The following SLC9A9 variants were observed in gnomAD, a reference collection of about 807,000 sequenced individuals.
The protein encoded by SLC9A9 is solute carrier family 9 member A9.
In SLC9A9, 62 loss-of-function variants were observed where a neutral mutation model predicts 77.8. The ratio of observed to expected loss-of-function variants is 0.80; its 90% CI spans 0.65 to 0.98. The LOEUF (loss-of-function observed/expected upper bound fraction) is 0.98, where lower values mean the gene tolerates loss of function less well. Among genes scored for constraint, SLC9A9 ranks in the 50% least tolerant of loss-of-function variants. The pLI is 0.00. For missense variants in SLC9A9, 775 were observed against 774.9 expected, an observed-to-expected ratio of 1.00 and a Z score of 0.00; for synonymous variants, 320 against 283.5, an observed-to-expected ratio of 1.13 and a Z score of -1.29.
intron 4 of SLC9A9, among the ~76,000 whole-genome samples, chr3:143,742,385 T>C (rs752298715): frequency 2.6e-5 from 4 of 152,192 alleles, no homozygotes; most frequent in Non-Finnish European, 5.9e-5. Flanking sequence ...AATTACTCTT[T>C]CTCTACTGCA....
chr3:143,371,049 G>A (rs1180206468), intron 13 of SLC9A9, among the ~76,000 whole-genome samples: 1 of 152,044 alleles, frequency 6.6e-6, no homozygotes, highest in Non-Finnish European at 1.5e-5. Context: ...GCTGTGTACA[G>A]AAAGGAGGAA....
intron 9 of SLC9A9, among the ~76,000 whole-genome samples, chr3:143,528,425 T>C (rs1355358161): frequency 6.6e-6 from 1 of 152,204 alleles, no homozygotes; most frequent in Non-Finnish European, 1.5e-5. Context: ...TTTACACATT[T>C]AGGAAATAAG....
At chr3:143,817,514 T>C (rs543907349) in intron 2 of SLC9A9, among the ~76,000 whole-genome samples, 4 of 152,340 alleles carry the variant, frequency 2.6e-5, no homozygotes, top group African/African-American at 4.8e-5. Context: ...TTTGGTGATA[T>C]CTTTAAAAAA....
rs933453794 is a variant in SLC9A9 at position 143,397,791 on chromosome 3, G to A, written c.1470-15677C>T. Among the ~76,000 whole-genome samples the A allele has an allele frequency of 7.2e-5, 11 of 152,210 alleles. No individual in the cohort carries two copies. The South Asian group carries it at 1.5e-3, about 20-fold the overall frequency. ...AACCTGGAAGGGAAGGAGCCTTAATGGGAATGCATTCTCTTGATGCAAGGA... is the reference window on the plus strand; with the variant it reads ...AACCTGGAAGGGAAGGAGCCTTAATAGGAATGCATTCTCTTGATGCAAGGA... On this transcript the variant is annotated intron_variant, in intron 12 of 15. Transcript: ENST00000316549.
At chr3:143,575,006 A>G (rs1297142798) in intron 7 of SLC9A9, among the ~76,000 whole-genome samples, 1 of 152,202 alleles carries the variant, frequency 6.6e-6, no homozygotes, top group African/African-American at 2.4e-5. Flanking sequence ...AACAAAATCT[A>G]AAGAAAATTT....
intron 9 of SLC9A9, chr3:143,516,993 G>A: frequency 3.0e-6 from 2 of 658,352 alleles, no homozygotes; most frequent in Non-Finnish European, 5.3e-6. Flanking sequence ...TGTAGTCCCT[G>A]ATTAATAGTG....
intron 13 of SLC9A9, among the ~76,000 whole-genome samples, chr3:143,381,113 T>C (rs1224751881): frequency 6.6e-6 from 1 of 152,226 alleles, no homozygotes; most frequent in African/African-American, 2.4e-5. Context: ...TAGATTCTAC[T>C]TTGACGTTAG....
chr3:143,531,198 T>C (rs1338321561), intron 9 of SLC9A9, among the ~76,000 whole-genome samples: 1 of 152,204 alleles, frequency 6.6e-6, no homozygotes, highest in Non-Finnish European at 1.5e-5. Context: ...GTGAATCTGA[T>C]ACATCAACTC....
At chr3:143,810,024 C>T (rs57087454) in intron 2 of SLC9A9, among the ~76,000 whole-genome samples, 13,440 of 152,108 alleles carry the variant, frequency 0.088, 1,067 homozygotes, top group African/African-American at 0.21. Context: ...GGAAACATTA[C>T]GTATGTCTTA....
At chr3:143,298,341 A>G (rs1488871125) in intron 14 of SLC9A9, among the ~76,000 whole-genome samples, 3 of 152,200 alleles carry the variant, frequency 2.0e-5, no homozygotes, top group Admixed American at 6.5e-5. Flanking sequence ...ATCTCTGCCT[A>G]TGATTGAGTG....
rs1451860990 is a variant in SLC9A9 at position 143,488,961 on chromosome 3, G to A, written c.1315+4692C>T. Among the ~76,000 whole-genome samples, 6 of 151,916 alleles carry A rather than the reference G, an allele frequency of 3.9e-5. 1 individual carries two copies. In the East Asian group the frequency reaches 1.2e-3, roughly 29 times the overall value. ...GAAGTAAAATTATCTCTGTTTACAG[G>A]TAATATAATTTTATATGTAGAATTT... On this transcript the variant is annotated intron_variant, in intron 11 of 15. Coordinates refer to ENST00000316549, the MANE Select transcript of SLC9A9 (RefSeq NM_173653.4).
intron 6 of SLC9A9, among the ~76,000 whole-genome samples, chr3:143,612,332 C>T (rs547952368): frequency 9.2e-4 from 140 of 152,306 alleles, no homozygotes; most frequent in Non-Finnish European, 1.4e-3. Flanking sequence ...CCCATTTAAA[C>T]GGAATATTGT....
chr3:143,365,441 A>C (rs1465493810), intron 13 of SLC9A9, among the ~76,000 whole-genome samples: 1 of 152,200 alleles, frequency 6.6e-6, no homozygotes, highest in Admixed American at 6.5e-5. Flanking sequence ...AAAGAAAGGA[A>C]AATGTAGAAC....
At chr3:143,596,216 A>G (rs577507593) in intron 6 of SLC9A9, among the ~76,000 whole-genome samples, 2 of 152,228 alleles carry the variant, frequency 1.3e-5, no homozygotes, top group Non-Finnish European at 2.9e-5. Flanking sequence ...AAATTTTGGA[A>G]TAACTTTTTA....
intron 5 of SLC9A9, among the ~76,000 whole-genome samples, chr3:143,670,398 A>G (rs956371517): frequency 6.6e-6 from 1 of 152,212 alleles, no homozygotes; most frequent in Non-Finnish European, 1.5e-5. Flanking sequence ...AAAAGTGATC[A>G]TGAGTTTAAC....
chr3:143,685,805 G>A (rs140662754), intron 5 of SLC9A9, among the ~76,000 whole-genome samples: 29 of 152,212 alleles, frequency 1.9e-4, no homozygotes, highest in Non-Finnish European at 3.7e-4. Context: ...AAAAACACAC[G>A]ATTATAACTG....
intron 2 of SLC9A9, among the ~76,000 whole-genome samples, chr3:143,814,351 A>G (rs549960232): frequency 2.6e-5 from 4 of 152,214 alleles, no homozygotes; most frequent in African/African-American, 7.2e-5. Flanking sequence ...TGATGAGCAT[A>G]GATGGGGTAT....
At chr3:143,814,858 T>G (rs2008963351) in intron 2 of SLC9A9, among the ~76,000 whole-genome samples, 1 of 152,164 alleles carries the variant, frequency 6.6e-6, no homozygotes, top group Non-Finnish European at 1.5e-5. Context: ...TGATCATTTC[T>G]GACTGCCTTA....
rs16853378 is a variant in SLC9A9, at chr3:143,300,030, C to T, written c.1605-31050G>A. ...CTCTATAGTGGGTGGCCATCCCAGA[C>T]TCTATGTGAGGGCTGAGGGGAACAA... is the stretch of plus-strand genomic sequence containing the variant. On this transcript the variant is annotated intron_variant, in intron 14 of 15. Transcript: ENST00000316549. 8.6e-3 allele frequency among the ~76,000 whole-genome samples: 1,315 copies of T among 152,296 alleles called. 28 individuals carry two copies. The highest frequency in any genetic ancestry group is 0.03 in the African/African-American group (1,243 of 41,562).
Sources: allele counts gnomAD v4.1 joint callset (sites outside exome capture counted in the v4.1 genomes callset), GRCh38; gene constraint gnomAD v4.1.1; transcripts MANE v1.5; gene names NCBI Gene and HGNC (gene_info 2026-07-23, HGNC 2026-07-21).